MSRA: variants seen among roughly 807,000 people sequenced by gnomAD.
MSRA encodes mitochondrial peptide methionine sulfoxide reductase.
Under a neutral mutation model 31.3 loss-of-function variants are expected in MSRA, and 54 were observed. The ratio of observed to expected loss-of-function variants is 1.73; its 90% CI spans 1.39 to 2.17. MSRA has a LOEUF of 2.17. Ranked by LOEUF, MSRA falls within the 30% of genes most tolerant of loss-of-function variation. The pLI, the probability that MSRA is intolerant of heterozygous loss-of-function variation, is 0.00. For synonymous variants in MSRA, 169 were observed against 116.5 expected, an observed-to-expected ratio of 1.45 and a Z score of -2.90; for missense variants, 507 against 300.9, an observed-to-expected ratio of 1.69 and a Z score of -5.07.
At chr8:10,082,857 T>G (rs1370302756) in intron 1 of MSRA, among the ~76,000 whole-genome samples, 1 of 152,220 alleles carries the variant, frequency 6.6e-6, no homozygotes, top group African/African-American at 2.4e-5. Flanking sequence ...CAAAGTGCCG[T>G]GAACAGAGTA....
chr8:10,304,247 C>G (rs1476737199), intron 4 of MSRA, among the ~76,000 whole-genome samples: 1 of 152,194 alleles, frequency 6.6e-6, no homozygotes, highest in African/African-American at 2.4e-5. Context: ...ACCAGGTGTA[C>G]TAAATCACTA....
At chr8:10,417,072 C>T (rs1390490218) in intron 5 of MSRA, among the ~76,000 whole-genome samples, 5 of 152,168 alleles carry the variant, frequency 3.3e-5, no homozygotes, top group South Asian at 4.1e-4. Context: ...TGCAGCTGTA[C>T]GAAGAAGCCC....
chr8:10,269,456 G>A (rs1403812171), intron 3 of MSRA, among the ~76,000 whole-genome samples: 1 of 152,200 alleles, frequency 6.6e-6, no homozygotes, highest in Non-Finnish European at 1.5e-5. Context: ...GTAGGGCTGA[G>A]GCAACACTGT....
intron 1 of MSRA, among the ~76,000 whole-genome samples, chr8:10,075,997 A>G (rs541236166): frequency 1.7e-4 from 26 of 152,170 alleles, no homozygotes; most frequent in Non-Finnish European, 1.5e-5. Flanking sequence ...GCACATTCAG[A>G]AATGTGTTCT....
At chr8:10,107,219 AT>A (rs5889317) in intron 1 of MSRA, among the ~76,000 whole-genome samples, 7,265 of 151,724 alleles carry the variant, frequency 0.048, 243 homozygotes, top group South Asian at 0.11. Context: ...CAAAATTCAC[AT>A]TTTTTAGAGA....
intron 1 of MSRA, among the ~76,000 whole-genome samples, chr8:10,201,456 G>C (rs1053037709): frequency 1.3e-5 from 2 of 152,128 alleles, no homozygotes; most frequent in Non-Finnish European, 2.9e-5. Context: ...GTTAGGTGGT[G>C]TCCCCTGGTC....
rs3750314 is a variant in MSRA, at chr8:10,428,300, T to C, written c.696T>C (p.Gly232=). 121,098 of 1,610,066 alleles carry C rather than the reference T, an allele frequency of 0.075. 13,189 individuals are homozygous for C. Among genetic ancestry groups the C allele is most frequent in the East Asian group, 0.43 (19,245 of 44,852 alleles). Residue 232 remains glycine, a synonymous_variant, in exon 6 of 6, where the codon GGT becomes GGC. Coordinates refer to ENST00000317173, the MANE Select transcript of MSRA (RefSeq NM_012331.5). ...LGGTGVSCPV[G]IKK is the part of the protein sequence containing the mutation. ...GCACCGGCGTGTCCTGCCCAGTGGGTATTAAAAAATAATTTCTCCCCACAT... is the reference window on the plus strand; with the variant it reads ...GCACCGGCGTGTCCTGCCCAGTGGGCATTAAAAAATAATTTCTCCCCACAT...
At chr8:10,377,772 G>C (rs17708798) in intron 5 of MSRA, among the ~76,000 whole-genome samples, 17,640 of 152,224 alleles carry the variant, frequency 0.12, 1,231 homozygotes, top group Middle Eastern at 0.18. Context: ...TCTGGCAAGT[G>C]ACTCTTTCAG....
chr8:10,089,243 G>T (rs572676130), intron 1 of MSRA, among the ~76,000 whole-genome samples: 5 of 152,024 alleles, frequency 3.3e-5, no homozygotes, highest in Non-Finnish European at 7.4e-5. Flanking sequence ...GTATCATCAC[G>T]TTGTCAAACT....
At chr8:10,140,177 A>C (rs1047866660) in intron 1 of MSRA, among the ~76,000 whole-genome samples, 1 of 152,060 alleles carries the variant, frequency 6.6e-6, no homozygotes, top group East Asian at 1.9e-4. Context: ...ACAGAGGGAT[A>C]CTCAGCAAGT....
intron 4 of MSRA, among the ~76,000 whole-genome samples, chr8:10,302,975 G>A (rs1356714043): frequency 1.3e-5 from 2 of 152,216 alleles, no homozygotes; most frequent in Non-Finnish European, 2.9e-5. Context: ...TGGTTCTGCA[G>A]GAAGCTCTGC....
chr8:10,383,771 G>A (rs2129175807), intron 5 of MSRA, among the ~76,000 whole-genome samples: 1 of 152,324 alleles, frequency 6.6e-6, no homozygotes, highest in African/African-American at 2.4e-5. Context: ...GGTGCTTTGA[G>A]CACATGGCCT....
chr8:10,332,046 A>C (rs1802732841), intron 5 of MSRA, among the ~76,000 whole-genome samples: 1 of 152,192 alleles, frequency 6.6e-6, no homozygotes, highest in East Asian at 1.9e-4. Context: ...TCAAATTTCC[A>C]ACCATAGTTA....
At chr8:10,077,822 C>G (rs1005584573) in intron 1 of MSRA, among the ~76,000 whole-genome samples, 15 of 152,160 alleles carry the variant, frequency 9.9e-5, no homozygotes, top group African/African-American at 3.6e-4. Flanking sequence ...TAGGAGGAGA[C>G]TGTTGGTGTC....
chr8:10,107,906 A>T (rs1226777125), intron 1 of MSRA, among the ~76,000 whole-genome samples: 2 of 152,072 alleles, frequency 1.3e-5, no homozygotes, highest in Non-Finnish European at 2.9e-5. Context: ...AGCATCCCTA[A>T]TCTCCTTTAG....
chr8:10,313,073 T>A (rs1452702035), intron 4 of MSRA, among the ~76,000 whole-genome samples: 6 of 152,206 alleles, frequency 3.9e-5, no homozygotes, highest in South Asian at 2.1e-4. Context: ...TACCTATTTA[T>A]CTTTCCCCAG....
At chr8:10,121,773 C>T (rs910122487) in intron 1 of MSRA, among the ~76,000 whole-genome samples, 11 of 151,926 alleles carry the variant, frequency 7.2e-5, no homozygotes, top group East Asian at 3.9e-4. Flanking sequence ...TAAGCTCAAG[C>T]GATCCTCCCA....
chr8:10,396,717 C>G (rs1330808046), intron 5 of MSRA, among the ~76,000 whole-genome samples: 4 of 152,198 alleles, frequency 2.6e-5, no homozygotes, highest in Non-Finnish European at 4.4e-5. Context: ...CCACTTCCTT[C>G]TCTTCTGTTT....
chr8:10,249,407 A>G (rs76640810), intron 3 of MSRA, among the ~76,000 whole-genome samples: 2,228 of 152,246 alleles, frequency 0.015, 53 homozygotes, highest in African/African-American at 0.051. Context: ...ATGATCTTCC[A>G]AGGCTTCAGT....
Sources: allele counts gnomAD v4.1 joint callset (sites outside exome capture counted in the v4.1 genomes callset), GRCh38; gene constraint gnomAD v4.1.1; transcripts MANE v1.5; gene names NCBI Gene and HGNC (gene_info 2026-07-23, HGNC 2026-07-21).